SH3BGR: variants seen among roughly 807,000 people sequenced by gnomAD.
SH3BGR encodes SH3 domain binding glutamate rich protein.
A neutral mutation model predicts 24.5 loss-of-function variants in SH3BGR; 29 were observed. The observed-to-expected ratio is 1.18, with a 90% CI of 0.88 to 1.61. The LOEUF (loss-of-function observed/expected upper bound fraction) is 1.61. Ranked by LOEUF, SH3BGR falls within the 40% of genes most tolerant of loss-of-function variation. The probability of loss-of-function intolerance (pLI) is 0.00; values close to 1 mark genes in which losing one functional copy is unlikely to be tolerated. For synonymous variants in SH3BGR, 55 were observed against 65.7 expected, an observed-to-expected ratio of 0.84 and a Z score of 0.79; for missense variants, 162 against 205.8, an observed-to-expected ratio of 0.79 and a Z score of 1.30.
At chr21:39,481,298 TCAAAAACAAA>T (rs1602120352) in intron 3 of SH3BGR, among the ~76,000 whole-genome samples, 1 of 151,974 alleles carries the variant, frequency 6.6e-6, no homozygotes, top group African/African-American at 2.4e-5. Context: ...GACCCTGTTC[TCAAAAACAAA>T]CAAAAACAAA....
chr21:39,456,374 A>G (rs1047348031), intron 1 of SH3BGR, among the ~76,000 whole-genome samples: 1 of 152,242 alleles, frequency 6.6e-6, no homozygotes, highest in Admixed American at 6.5e-5. Flanking sequence ...GAAAAGATGT[A>G]AGGGAATAAG....
chr21:39,494,174 AC>A (rs1353677647), intron 3 of SH3BGR, among the ~76,000 whole-genome samples: 6 of 151,992 alleles, frequency 3.9e-5, no homozygotes, highest in African/African-American at 9.7e-5. Flanking sequence ...CATGTGTATC[AC>A]ATTTCCATAT....
At position 39,511,718 on chromosome 21, in the gene SH3BGR, CGAG is replaced by C; in HGVS notation, c.483_485del (p.Glu163del). 6.3e-7 allele frequency: 1 copy of C among 1,595,768 alleles called. No individual in the cohort carries two copies. The highest frequency in any genetic ancestry group is 8.5e-7 in the Non-Finnish European group (1 of 1,173,480). On this transcript the variant is annotated inframe_deletion, in exon 6 of 7. Coordinates refer to ENST00000333634, the MANE Select transcript of SH3BGR (RefSeq NM_007341.3). This position sits in a 1 kb window ranked among gnomAD's most constrained non-coding sequence, Gnocchi z 4.2. The stretch of plus-strand genomic sequence containing the variant: ...CCATGGAGGGTGCGGAAGGGGAAGC[CGAG>C]GAGGAGGAAGAAACTGCAGAAGGAG...
rs187587064 is a variant in SH3BGR, at chr21:39,467,217, T to A, written c.231+4657T>A. On this transcript the variant is annotated intron_variant, in intron 2 of 6. Coordinates refer to ENST00000333634, the MANE Select transcript of SH3BGR (RefSeq NM_007341.3). ...TTATTTTCTGCTATAAAAAAGAAGA[T>A]TTCAAAGTCATCTCTTATCCCAGTT... Among the ~76,000 whole-genome samples the A allele has an allele frequency of 1.2e-4, 19 of 152,240 alleles. No homozygotes were observed. The East Asian group carries it at 3.3e-3, about 26-fold the overall frequency.
At chr21:39,476,420 T>C (rs1479149026) in intron 3 of SH3BGR, among the ~76,000 whole-genome samples, 2 of 151,932 alleles carry the variant, frequency 1.3e-5, no homozygotes, top group African/African-American at 2.4e-5. Context: ...CTAGACAGAG[T>C]GGTCTAAGGA....
intron 3 of SH3BGR, among the ~76,000 whole-genome samples, chr21:39,486,096 G>A (rs547876766): frequency 2.3e-3 from 351 of 152,284 alleles, no homozygotes; most frequent in Non-Finnish European, 3.5e-3. Flanking sequence ...GAAAGATGAA[G>A]CATTTTTGCT....
At chr21:39,510,465 A>G (rs1229768578) in intron 5 of SH3BGR, among the ~76,000 whole-genome samples, 1 of 140,954 alleles carries the variant, frequency 7.1e-6, no homozygotes, top group Non-Finnish European at 1.5e-5. Context: ...CTGTAGCTAC[A>G]CACACACACA....
intron 6 of SH3BGR, among the ~76,000 whole-genome samples, chr21:39,514,311 A>G (rs1205945089): frequency 6.6e-6 from 1 of 152,194 alleles, no homozygotes; most frequent in Non-Finnish European, 1.5e-5. Flanking sequence ...CTATGAAAGA[A>G]TTCTCATTTC....
intron 2 of SH3BGR, among the ~76,000 whole-genome samples, chr21:39,464,843 G>A (rs918461251): frequency 6.6e-6 from 1 of 151,978 alleles, no homozygotes; most frequent in African/African-American, 2.4e-5. Flanking sequence ...TTTTTTTAGG[G>A]GGGATGGTGG....
intron 3 of SH3BGR, among the ~76,000 whole-genome samples, chr21:39,486,842 A>G (rs1190933240): frequency 1.3e-5 from 2 of 151,876 alleles, no homozygotes; most frequent in African/African-American, 4.8e-5. Flanking sequence ...CAGCCTCCCA[A>G]GTAGCTGGGA....
intron 2 of SH3BGR, among the ~76,000 whole-genome samples, chr21:39,468,738 C>G (rs1313571366): frequency 6.6e-6 from 1 of 152,156 alleles, no homozygotes; most frequent in Non-Finnish European, 1.5e-5. Context: ...TATGCCTAGA[C>G]CTTATTTTTC....
chr21:39,459,038 G>GT (rs932976008), intron 1 of SH3BGR, among the ~76,000 whole-genome samples: 167 of 143,520 alleles, frequency 1.2e-3, no homozygotes, highest in Middle Eastern at 7.1e-3. Context: ...TAGTTCTGTG[G>GT]TTTTTTTTTT....
intron 3 of SH3BGR, among the ~76,000 whole-genome samples, chr21:39,497,137 G>T (rs1252513958): frequency 6.7e-6 from 1 of 150,286 alleles, no homozygotes; most frequent in East Asian, 1.9e-4. Flanking sequence ...GTATATCTGA[G>T]AATATATTTA....
chr21:39,494,678 A>C (rs1384509310), intron 3 of SH3BGR, among the ~76,000 whole-genome samples: 1 of 150,546 alleles, frequency 6.6e-6, no homozygotes, highest in Non-Finnish European at 1.5e-5. Context: ...TGATATGCCT[A>C]CCTATGTTTT....
intron 2 of SH3BGR, among the ~76,000 whole-genome samples, chr21:39,474,568 G>A (rs1414225505): frequency 1.3e-5 from 2 of 152,132 alleles, no homozygotes; most frequent in Non-Finnish European, 2.9e-5. Flanking sequence ...ATCTGGATGG[G>A]GTGGTAGCTT....
intron 3 of SH3BGR, among the ~76,000 whole-genome samples, chr21:39,478,283 G>A (rs2123401975): frequency 6.6e-6 from 1 of 152,332 alleles, no homozygotes; most frequent in Non-Finnish European, 1.5e-5. Flanking sequence ...AGTCTGCAGT[G>A]TGCTTAGGTG....
At chr21:39,482,027 A>C (rs1293648115) in intron 3 of SH3BGR, among the ~76,000 whole-genome samples, 3 of 152,226 alleles carry the variant, frequency 2.0e-5, no homozygotes, top group Non-Finnish European at 1.5e-5. Flanking sequence ...CAAAGTAGCC[A>C]AACCACTGTC....
chr21:39,508,963 T>C (rs763149688), intron 4 of SH3BGR, 35 bp from the exon 5 acceptor site: 16 of 1,548,992 alleles, frequency 1.0e-5, no homozygotes, highest in South Asian at 4.7e-5. Flanking sequence ...ACTTGAATTA[T>C]GTTTTTTTCT....
In SH3BGR at chr21:39,462,545, G is replaced by T. The variant is rs1276248100; in HGVS notation, c.216G>T (p.Glu72Asp). ...GIPLPPQIFN[E>D]EQYCGDFDSF... Reference sequence around the variant, plus strand: ...CTTTGCCTCCCCAGATCTTCAATGAGGAGCAGTACTGTGGGGTGAGTATGT... The same window carrying T: ...CTTTGCCTCCCCAGATCTTCAATGATGAGCAGTACTGTGGGGTGAGTATGT... The change falls in exon 2 of 7, where the codon GAG becomes GAT. Residue 72 changes from glutamate (E) to aspartate (D), a missense_variant. Physicochemically the swap from Glu to Asp is conservative, Grantham distance 45 (BLOSUM62 2). Transcript: ENST00000333634. 6 of 1,590,924 alleles carry T rather than the reference G, an allele frequency of 3.8e-6. No homozygotes were observed. Among genetic ancestry groups the T allele is most frequent in the Non-Finnish European group, 5.1e-6 (6 of 1,174,328 alleles).
Sources: allele counts gnomAD v4.1 joint callset (sites outside exome capture counted in the v4.1 genomes callset), GRCh38; gene constraint gnomAD v4.1.1; non-coding constraint Gnocchi (gnomAD v3.1); transcripts MANE v1.5; gene names NCBI Gene and HGNC (gene_info 2026-07-23, HGNC 2026-07-21).